DOCK11: variants seen among roughly 807,000 people sequenced by gnomAD.
The protein encoded by DOCK11 is dedicator of cytokinesis 11.
A neutral mutation model predicts 169.1 loss-of-function variants in DOCK11; 70 were observed. The observed-to-expected ratio is 0.41, with a 90% confidence interval of 0.34 to 0.51. The LOEUF is 0.51. Among genes scored for constraint, DOCK11 ranks in the 20% least tolerant of loss-of-function variants. DOCK11 has a pLI of 0.10. For missense variants in DOCK11, 1,166 were observed against 1,538.8 expected (o/e 0.76, Z 4.05); for synonymous variants, 529 against 541.3 (o/e 0.98, Z 0.32).
intron 1 of DOCK11, among the ~76,000 whole-genome samples, chrX:118,541,085 A>C (rs2011977724): frequency 9.0e-6 from 1 of 111,210 alleles, no homozygotes; most frequent in Non-Finnish European, 1.9e-5. Context: ...TAAACAAATA[A>C]AAGAAAATCC....
chrX:118,562,869 T>G (rs1245084628), intron 7 of DOCK11, among the ~76,000 whole-genome samples: 1 of 112,764 alleles, frequency 8.9e-6, no homozygotes, highest in Non-Finnish European at 1.9e-5. Flanking sequence ...TTGCTTTTCC[T>G]TCTGTCATAC....
intron 35 of DOCK11, 139 bp from the exon 36 acceptor site, chrX:118,636,207 G>C (rs2015383116): frequency 3.1e-6 from 1 of 317,840 alleles, no homozygotes; most frequent in South Asian, 9.0e-5. Flanking sequence ...ACTGCGCAGT[G>C]GGAGGGGAGA....
At chrX:118,618,257 T>C (rs2014874194) in intron 30 of DOCK11, among the ~76,000 whole-genome samples, 1 of 111,879 alleles carries the variant, frequency 8.9e-6, no homozygotes, top group African/African-American at 3.2e-5. Context: ...TTGTAGTTTC[T>C]ATCCTAAGAT....
At chrX:118,553,773 ATTTTAT>A (rs2012584470) in intron 6 of DOCK11, among the ~76,000 whole-genome samples, 1 of 111,986 alleles carries the variant, frequency 8.9e-6, no homozygotes, top group Non-Finnish European at 1.9e-5. Flanking sequence ...AAGAGAAAAT[ATTTTAT>A]TTTTGATATC....
intron 12 of DOCK11, 35 bp from the exon 13 acceptor site, chrX:118,578,490 C>G: frequency 8.4e-7 from 1 of 1,197,370 alleles, no homozygotes; most frequent in Middle Eastern, 2.8e-4. Context: ...CACAAGATTA[C>G]ATAAGAAAGT....
intron 45 of DOCK11, 104 bp from the exon 46 acceptor site, chrX:118,670,919 G>A (rs2016454026): frequency 1.3e-6 from 1 of 741,312 alleles, no homozygotes; most frequent in African/African-American, 2.1e-5. Context: ...ATTGAATTTA[G>A]TACCATCTGT....
chrX:118,598,039 G>A lies in DOCK11; in HGVS notation c.2395G>A (p.Val799Met), dbSNP rs147382406. The change falls in exon 22 of 53, where the codon GTG (valine) becomes ATG (methionine). Residue 799 changes from valine (V) to methionine (M), a missense_variant. Physicochemically the swap from Val to Met is conservative, Grantham distance 21 (BLOSUM62 1). Transcript: ENST00000276202. ...AATTTTCTGTTCACAGCAATGTAACGTGGATATTAAATGGGTAGATGGTGC... is the reference window on the plus strand; with the variant it reads ...AATTTTCTGTTCACAGCAATGTAACATGGATATTAAATGGGTAGATGGTGC... ...NDAESRRQCN[V>M]DIKWVDGAKP... is the part of the protein sequence containing the mutation. 5.5e-5 allele frequency: 65 copies of A among 1,184,905 alleles called. No individual in the cohort carries two copies. The highest frequency in any genetic ancestry group is 4.4e-4 in the African/African-American group (25 of 56,906).
chrX:118,496,780 C>T (rs2057541238), intron 1 of DOCK11, among the ~76,000 whole-genome samples: 1 of 111,433 alleles, frequency 9.0e-6, no homozygotes, highest in African/African-American at 3.3e-5. Context: ...CACGCGAGCG[C>T]TCCAGAGGCA....
intron 11 of DOCK11, among the ~76,000 whole-genome samples, chrX:118,573,462 T>G (rs2013342754): frequency 8.9e-6 from 1 of 112,914 alleles, no homozygotes; most frequent in Non-Finnish European, 1.9e-5. Context: ...ATTGGCATTA[T>G]TTTTTAGGTA....
At chrX:118,531,191 C>T (rs1396761677) in intron 1 of DOCK11, among the ~76,000 whole-genome samples, 4 of 109,101 alleles carry the variant, frequency 3.7e-5, no homozygotes, top group Non-Finnish European at 5.7e-5. Context: ...TGCAGTGGCT[C>T]ATGCTGGTAA....
intron 6 of DOCK11, among the ~76,000 whole-genome samples, chrX:118,555,835 G>T (rs760842739): frequency 2.7e-5 from 3 of 109,934 alleles, no homozygotes; most frequent in Non-Finnish European, 5.7e-5. Context: ...ATTGTGTTCT[G>T]TCTGAGACAT....
intron 1 of DOCK11, among the ~76,000 whole-genome samples, chrX:118,511,294 G>A (rs1403294923): frequency 9.0e-6 from 1 of 111,509 alleles, no homozygotes; most frequent in East Asian, 2.8e-4. Flanking sequence ...CTTTTCTCCT[G>A]TTCTATTTTT....
Position 118,545,406 on chromosome X carries a change from C to T in DOCK11, c.462+14C>T, listed in dbSNP as rs2147350746. The T allele has an allele frequency of 8.7e-7, 1 of 1,149,153 alleles. No homozygotes were observed. Among genetic ancestry groups the T allele is most frequent in the African/African-American group, 1.8e-5 (1 of 55,433 alleles). 94.7% of individuals were successfully genotyped at this position (1,149,153 alleles called of 1,213,427 possible). A position where few individuals can be genotyped will look rare whatever the true frequency, so the allele number is the denominator to read the frequency against. On this transcript the variant is annotated intron_variant, in intron 5 of 52. Transcript: ENST00000276202. ...GAGAAAGATGAGGTAAGAATGGGGG[C>T]AACAGTTGGGGTAACTGTGCTAGTT...
intron 31 of DOCK11, among the ~76,000 whole-genome samples, chrX:118,619,795 A>G (rs1483443753): frequency 9.3e-6 from 1 of 107,340 alleles, no homozygotes; most frequent in African/African-American, 3.4e-5. Context: ...TACAGTTTCT[A>G]TTTACTGCAC....
chrX:118,636,863 A>T (rs769574890), intron 36 of DOCK11, among the ~76,000 whole-genome samples: 2 of 110,061 alleles, frequency 1.8e-5, no homozygotes, highest in East Asian at 5.7e-4. Flanking sequence ...ACACACACAC[A>T]CGTGTATATG....
chrX:118,528,598 G>C (rs1312177619), intron 1 of DOCK11, among the ~76,000 whole-genome samples: 1 of 111,251 alleles, frequency 9.0e-6, no homozygotes, highest in Admixed American at 9.6e-5. Context: ...CTTAGTCTAA[G>C]GTCTTATGGT....
chrX:118,572,352 T>C lies in DOCK11; in HGVS notation c.1065T>C (p.Asp355=), dbSNP rs940516704. 8.3e-7 allele frequency: 1 copy of C among 1,201,609 alleles called. No homozygotes were observed. The highest frequency in any genetic ancestry group is 1.1e-6 in the Non-Finnish European group (1 of 889,669). ...TGGACTTTTCAGGAATTGAACCTGATATAAAGCCATTTGAAGAAAAATGCA... is the reference window on the plus strand; with the variant it reads ...TGGACTTTTCAGGAATTGAACCTGACATAAAGCCATTTGAAGAAAAATGCA... The part of the protein sequence containing the change: ...QRLDFSGIEP[D]IKPFEEKCNK... The change falls in exon 11 of 53, where the codon GAT becomes GAC. Residue 355 remains aspartate (D), a synonymous_variant. Transcript: ENST00000276202.
chrX:118,660,392 C>G (rs750728948), intron 44 of DOCK11, among the ~76,000 whole-genome samples: 1 of 111,890 alleles, frequency 8.9e-6, no homozygotes, highest in Non-Finnish European at 1.9e-5. Context: ...CTCTAGAGGT[C>G]TTGTAACAGA....
intron 31 of DOCK11, among the ~76,000 whole-genome samples, chrX:118,623,446 A>G (rs1162537278): frequency 8.9e-6 from 1 of 112,550 alleles, no homozygotes; most frequent in Admixed American, 9.4e-5. Flanking sequence ...TCAAGGATAC[A>G]TGTAAGGGCC....
Sources: gnomAD v4.1 joint callset for allele counts (sites outside exome capture counted in the v4.1 genomes callset) on GRCh38, gnomAD v4.1.1 for gene constraint, MANE v1.5 for transcripts, NCBI Gene and HGNC (gene_info 2026-07-23, HGNC 2026-07-21) for gene names.